RAD23B: variants seen among roughly 807,000 people sequenced by gnomAD.
The protein encoded by RAD23B is lysine-specific demethylase RAD23B.
RAD23B carries 5 observed loss-of-function variants against 49.1 expected under a neutral mutation model. The observed-to-expected ratio is 0.10, with a 90% CI of 0.05 to 0.21. RAD23B has a LOEUF of 0.21. Among genes scored for constraint, RAD23B ranks in the 10% least tolerant of loss-of-function variants. The pLI is 1.00. For missense variants in RAD23B, 356 were observed against 486.7 expected, an observed-to-expected ratio of 0.73 and a Z score of 2.53; for synonymous variants, 184 against 165.4, an observed-to-expected ratio of 1.11 and a Z score of -0.86.
intron 4 of RAD23B, among the ~76,000 whole-genome samples, chr9:107,309,895 C>T (rs1826855150): frequency 7.1e-6 from 1 of 141,580 alleles, no homozygotes; most frequent in African/African-American, 2.6e-5. Context: ...TGCGCCGCTG[C>T]ACTCCAGCCT....
intron 4 of RAD23B, among the ~76,000 whole-genome samples, chr9:107,307,278 G>A (rs1228229722): frequency 6.6e-6 from 1 of 152,228 alleles, no homozygotes; most frequent in Admixed American, 6.5e-5. Flanking sequence ...ATTTCTTGTG[G>A]GAAGTTGACA....
intron 4 of RAD23B, among the ~76,000 whole-genome samples, chr9:107,309,604 G>A (rs182509844): frequency 6.6e-6 from 1 of 152,266 alleles, no homozygotes; most frequent in Non-Finnish European, 1.5e-5. Context: ...TGTACATCCA[G>A]TCTTATCTGT....
chr9:107,307,948 A>G (rs189617117), intron 4 of RAD23B, among the ~76,000 whole-genome samples: 167 of 152,292 alleles, frequency 1.1e-3, no homozygotes, highest in African/African-American at 3.8e-3. Flanking sequence ...AGTGGATACC[A>G]CCTAGAGTCA....
chr9:107,318,755 C>T lies in RAD23B; in HGVS notation c.557C>T (p.Thr186Met), dbSNP rs1490827120. The T allele has an allele frequency of 5.6e-6, 9 of 1,607,028 alleles. No homozygotes were observed. Among genetic ancestry groups the T allele is most frequent in the African/African-American group, 4.0e-5 (3 of 74,662 alleles). Residue 186 changes from threonine (T) to methionine (M), a missense_variant, in exon 6 of 10, where the codon ACG becomes ATG. Around this residue, in one of 5 missense-constraint regions of RAD23B, gnomAD observed 148 missense variants for 231.7 expected, o/e 0.64. Coordinates refer to ENST00000358015, the MANE Select transcript of RAD23B (RefSeq NM_002874.5). This position sits in a 1 kb window ranked among gnomAD's most constrained non-coding sequence, Gnocchi z 4.3. The part of the protein sequence containing the change: ...LFEDATSALV[T>M]GQSYENMVTE... ...CCCCTCCACCCTCCCTTTTTAGTGA[C>T]GGGTCAGTCTTACGAGAATATGGTA...
chr9:107,298,297 A>G (rs748553335), intron 1 of RAD23B, among the ~76,000 whole-genome samples: 1 of 151,812 alleles, frequency 6.6e-6, no homozygotes, highest in African/African-American at 2.4e-5. Flanking sequence ...ACTTTTGTCG[A>G]TATGCTTACG....
intron 2 of RAD23B, among the ~76,000 whole-genome samples, chr9:107,301,315 C>T (rs1826647381): frequency 6.6e-6 from 1 of 152,168 alleles, no homozygotes; most frequent in African/African-American, 2.4e-5. Flanking sequence ...ATTTGTTTCT[C>T]TCCCTTTCTT....
chr9:107,316,160 C>T (rs1280175606), intron 5 of RAD23B, among the ~76,000 whole-genome samples: 1 of 152,062 alleles, frequency 6.6e-6, no homozygotes, highest in Non-Finnish European at 1.5e-5. Context: ...CAGGCACGTG[C>T]CACCATGCCC....
Position 107,326,627 on chromosome 9 carries a change from CTTTTTTTTTTT to C in RAD23B, c.1116+1637_1116+1647del, listed in dbSNP as rs796381629. 2.1e-4 allele frequency among the ~76,000 whole-genome samples: 14 copies of C among 67,510 alleles called. No homozygotes were observed. In the Admixed American group the frequency reaches 2.3e-3, roughly 11 times the overall value. 44.3% of individuals were successfully genotyped at this position (67,510 alleles called of 152,430 possible). A position where few individuals can be genotyped will look rare whatever the true frequency, so the allele number is the denominator to read the frequency against. ...ACTTGTCTATTCAACTTTTGTATTTCTTTTTTTTTTTTTTTTTTTTTTTTGAGACAGAGTCT... is the reference window on the plus strand; with the variant it reads ...ACTTGTCTATTCAACTTTTGTATTTCTTTTTTTTTTTTTGAGACAGAGTCT... On this transcript the variant is annotated intron_variant, in intron 9 of 9. Coordinates refer to ENST00000358015, the MANE Select transcript of RAD23B (RefSeq NM_002874.5).
At chr9:107,307,006 C>T (rs1826794280) in intron 4 of RAD23B, among the ~76,000 whole-genome samples, 1 of 151,934 alleles carries the variant, frequency 6.6e-6, no homozygotes, top group African/African-American at 2.4e-5. Context: ...ATCATTTGTA[C>T]TTGATCTGTA....
At chr9:107,304,805 C>T (rs1272811791) in intron 3 of RAD23B, among the ~76,000 whole-genome samples, 1 of 152,180 alleles carries the variant, frequency 6.6e-6, no homozygotes, top group Non-Finnish European at 1.5e-5. Context: ...TTGAACACCA[C>T]TGAGCTTAGG....
intron 1 of RAD23B, among the ~76,000 whole-genome samples, chr9:107,286,497 T>A (rs981646051): frequency 1.1e-4 from 16 of 152,264 alleles, no homozygotes; most frequent in Non-Finnish European, 7.3e-5. Context: ...TGACTATTAC[T>A]GTGATACATT....
At chr9:107,310,347 A>G (rs1826867454) in intron 4 of RAD23B, among the ~76,000 whole-genome samples, 1 of 152,234 alleles carries the variant, frequency 6.6e-6, no homozygotes, top group Non-Finnish European at 1.5e-5. Flanking sequence ...AAAAAAAATT[A>G]TAACAGGAAA....
chr9:107,297,341 GT>G (rs1661124197), intron 1 of RAD23B, among the ~76,000 whole-genome samples: 1 of 151,686 alleles, frequency 6.6e-6, no homozygotes, highest in Non-Finnish European at 1.5e-5. Flanking sequence ...TTCTGTGTTT[GT>G]TTTGTTTTGT....
rs201887317 is a variant in RAD23B at position 107,322,082 on chromosome 9, A to T, written c.781A>T (p.Thr261Ser). ...TTCAGCAGTGGCTGCAGCTGCAGCA[A>T]CTACGACAGCAACAACTACAACAAC... Reference protein sequence around the residue: ...QSSAVAAAAATTTATTTTTSS... With the variant: ...QSSAVAAAAASTTATTTTTSS... Residue 261 changes from threonine (T) to serine (S), a missense_variant, in exon 7 of 10, where the codon ACT becomes TCT. Physicochemically the swap from Thr to Ser is moderately conservative, Grantham distance 58. Around this residue, in one of 5 missense-constraint regions of RAD23B, gnomAD observed 148 missense variants for 231.7 expected, o/e 0.64. Transcript: ENST00000358015. The T allele has an allele frequency of 6.2e-7, 1 of 1,610,984 alleles. No individual in the cohort carries two copies.
chr9:107,310,911 G>A (rs1826876514), intron 4 of RAD23B, among the ~76,000 whole-genome samples: 2 of 152,156 alleles, frequency 1.3e-5, no homozygotes, highest in African/African-American at 4.8e-5. Flanking sequence ...GGCTTTCTCA[G>A]AACTGAAATA....
chr9:107,302,144 T>C, intron 3 of RAD23B, 30 bp downstream of exon 3: 3 of 1,609,748 alleles, frequency 1.9e-6, no homozygotes, highest in Non-Finnish European at 2.5e-6. Context: ...TGTATATCTT[T>C]ATGCATGTAG....
intron 1 of RAD23B, chr9:107,283,946 A>C (rs34731486): frequency 0.12 from 136,356 of 1,110,426 alleles, 8,608 homozygotes; most frequent in South Asian, 0.15. Flanking sequence ...CGTGGAGCGC[A>C]CGCCCGCGGG....
chr9:107,309,808 G>C (rs1397053933), intron 4 of RAD23B, among the ~76,000 whole-genome samples: 1 of 151,920 alleles, frequency 6.6e-6, no homozygotes, highest in Non-Finnish European at 1.5e-5. Flanking sequence ...GCGGGCGCCT[G>C]TAGTCCCAGG....
rs940680540 is a variant in RAD23B at position 107,284,182 on chromosome 9, C to T, written c.66+487C>T. 11 of 986,334 alleles carry T rather than the reference C, an allele frequency of 1.1e-5. No individual in the cohort carries two copies. In the African/African-American group the frequency reaches 1.2e-4, roughly 11 times the overall value. 61.1% of individuals were successfully genotyped at this position (986,334 alleles called of 1,614,324 possible). A position where few individuals can be genotyped will look rare whatever the true frequency, so the allele number is the denominator to read the frequency against. ...AAAAGTATCAGGTTCCGTTTGCCGC[C>T]GAGAGGTGAGTGGTGGTGAAAATGA... On this transcript the variant is annotated intron_variant, in intron 1 of 9. Coordinates refer to ENST00000358015, the MANE Select transcript of RAD23B (RefSeq NM_002874.5).
Sources: allele counts gnomAD v4.1 joint callset (sites outside exome capture counted in the v4.1 genomes callset), GRCh38; gene constraint gnomAD v4.1.1; regional missense constraint gnomAD v4.1.1; non-coding constraint Gnocchi (gnomAD v3.1); transcripts MANE v1.5; gene names NCBI Gene and HGNC (gene_info 2026-07-23, HGNC 2026-07-21).